The following MCF2L variants were observed in gnomAD, a reference collection of about 807,000 sequenced individuals.
MCF2L encodes MCF.2 cell line derived transforming sequence like.
MCF2L carries 97 observed loss-of-function variants against 153.4 expected under a neutral mutation model. That is an observed-to-expected ratio of 0.63 (90% CI 0.54 to 0.75). The LOEUF is 0.75. Among genes scored for constraint, MCF2L ranks in the 30% least tolerant of loss-of-function variants. MCF2L has a pLI of 0.00. For synonymous variants in MCF2L, 659 were observed against 632.2 expected (o/e 1.04, Z -0.64); for missense variants, 1,347 against 1,495.2 (o/e 0.90, Z 1.64).
chr13:112,991,405 G>T (rs2082894008), intron 1 of MCF2L, among the ~76,000 whole-genome samples: 2 of 151,436 alleles, frequency 1.3e-5, no homozygotes, highest in Admixed American at 1.3e-4. Flanking sequence ...TGTTTTGGGG[G>T]GTGTCTCTGA....
intron 2 of MCF2L, among the ~76,000 whole-genome samples, chr13:113,024,419 G>A (rs2085097212): frequency 6.6e-6 from 1 of 152,214 alleles, no homozygotes; most frequent in Non-Finnish European, 1.5e-5. Context: ...GTCCCATGGT[G>A]GCCAAAATAA....
intron 2 of MCF2L, among the ~76,000 whole-genome samples, chr13:112,920,688 G>A (rs1438484844): frequency 3.4e-5 from 4 of 118,700 alleles, no homozygotes; most frequent in Non-Finnish European, 7.0e-5. Context: ...TGCAGGGAGA[G>A]TTGGGTTGTG....
chr13:112,930,764 C>G (rs1345547363), intron 2 of MCF2L, among the ~76,000 whole-genome samples: 1 of 152,074 alleles, frequency 6.6e-6, no homozygotes, highest in Non-Finnish European at 1.5e-5. Flanking sequence ...TGGTGAAGCC[C>G]CATCTCTACT....
chr13:112,929,865 C>T (rs1034050202), intron 2 of MCF2L, among the ~76,000 whole-genome samples: 56 of 152,328 alleles, frequency 3.7e-4, no homozygotes, highest in African/African-American at 1.1e-3. Context: ...CCGTTTGTGG[C>T]GATCCTTTCT....
rs1418664141 is a variant in MCF2L at position 113,099,741 on chromosome 13, C to A, written c.*2882C>A. 1 of 151,842 alleles carries A rather than the reference C, an allele frequency of 6.6e-6. No individual in the cohort carries two copies. The highest frequency in any genetic ancestry group is 1.5e-5 in the Non-Finnish European group (1 of 67,964). 9.4% of individuals were successfully genotyped at this position (151,842 alleles called of 1,614,324 possible). On this transcript the variant is annotated 3_prime_UTR_variant, in exon 30 of 30. Transcript: ENST00000535094. ...TAAAAAATTTTAAATATGAGAGAACCATTATGAACACCTTTCTGCCAATAT... is the reference window on the plus strand; with the variant it reads ...TAAAAAATTTTAAATATGAGAGAACAATTATGAACACCTTTCTGCCAATAT...
intron 4 of MCF2L, among the ~76,000 whole-genome samples, chr13:113,058,687 G>T (rs2030754531): frequency 1.4e-5 from 2 of 147,796 alleles, no homozygotes; most frequent in Non-Finnish European, 3.0e-5. Context: ...TGGGCGCTGA[G>T]TGGGCACTGA....
chr13:112,909,387 G>A (rs2081207146), intron 2 of MCF2L: 1 of 759,676 alleles, frequency 1.3e-6, no homozygotes. Context: ...GCCAGGCTAA[G>A]GCGTTGATCC....
Position 113,027,086 on chromosome 13 carries a change from G to T in MCF2L, c.278+2328G>T, listed in dbSNP as rs3011512. The T allele has an allele frequency of 0.35, 264,321 of 747,122 alleles. 48,847 individuals are homozygous for T. Among genetic ancestry groups the T allele is most frequent in the East Asian group, 0.58 (23,369 of 40,530 alleles). The allele number at this position is 747,122 out of a possible 1,614,324, so 46.3% of individuals were successfully genotyped here. On this transcript the variant is annotated intron_variant, in intron 3 of 29. Transcript: ENST00000535094. The surrounding 1 kb of genome is among the most constrained non-coding windows in gnomAD (Gnocchi z 4.8). ...TCCTTAAATATGGCATCTGTATCCC[G>T]CACATTACATAAGGTGGCAAAACAC... is the stretch of plus-strand genomic sequence containing the variant.
chr13:112,944,098 ATGAGGGAAGGGTCCCGGGCCG>A (rs2081608829), intron 2 of MCF2L, among the ~76,000 whole-genome samples: 2 of 117,464 alleles, frequency 1.7e-5, no homozygotes, highest in Admixed American at 8.4e-5. Context: ...GTTCCGGACC[ATGAGGGAAGGGTCCCGGGCCG>A]TGAGGGGAGG....
At chr13:112,948,282 A>G (rs2081657631) in intron 2 of MCF2L, among the ~76,000 whole-genome samples, 1 of 152,194 alleles carries the variant, frequency 6.6e-6, no homozygotes, top group African/African-American at 2.4e-5. Flanking sequence ...TCTTCCCTAA[A>G]TACTCTTTGT....
intron 2 of MCF2L, among the ~76,000 whole-genome samples, chr13:113,017,134 A>C (rs2084578938): frequency 6.6e-6 from 1 of 152,166 alleles, no homozygotes; most frequent in Non-Finnish European, 1.5e-5. Flanking sequence ...GTGCGTTGCC[A>C]ATCGCCCCGT....
At chr13:113,005,483 G>A (rs772355025) in intron 1 of MCF2L, among the ~76,000 whole-genome samples, 35 of 151,666 alleles carry the variant, frequency 2.3e-4, no homozygotes, top group African/African-American at 5.3e-4. Context: ...TGGCCGTGGC[G>A]TGTTTGTTGT....
intron 1 of MCF2L, among the ~76,000 whole-genome samples, chr13:113,005,904 C>T (rs1300975108): frequency 2.0e-5 from 3 of 152,202 alleles, no homozygotes; most frequent in Admixed American, 2.0e-4. Context: ...GCTGTAAGCT[C>T]AGGAAGTGAT....
intron 2 of MCF2L, among the ~76,000 whole-genome samples, chr13:112,928,434 C>T (rs1012132812): frequency 5.3e-5 from 8 of 152,216 alleles, no homozygotes; most frequent in African/African-American, 1.9e-4. Flanking sequence ...TCGTTATAAT[C>T]CTTGGAAATG....
chr13:113,042,508 T>G (rs1400867377), intron 3 of MCF2L: 1 of 152,216 alleles, frequency 6.6e-6, no homozygotes, highest in Non-Finnish European at 1.5e-5. Context: ...ACACAAAGAT[T>G]TAAACGTAGA....
chr13:112,894,726 G>C (rs2140477947), intron 1 of MCF2L, among the ~76,000 whole-genome samples: 1 of 152,224 alleles, frequency 6.6e-6, no homozygotes, highest in South Asian at 2.1e-4. Context: ...CCTCCGCATT[G>C]TCACGGGGGC....
chr13:113,092,747 G>A (rs761451353), intron 26 of MCF2L, among the ~76,000 whole-genome samples: 4 of 152,200 alleles, frequency 2.6e-5, no homozygotes, highest in Admixed American at 6.5e-5. Context: ...AGGCACTGCC[G>A]TTCCCATCAT....
chr13:112,999,011 G>A (rs552583032), intron 1 of MCF2L, among the ~76,000 whole-genome samples: 2 of 152,196 alleles, frequency 1.3e-5, no homozygotes, highest in Admixed American at 6.5e-5. Context: ...CGATGAGCCC[G>A]GGATGGTTTC....
intron 2 of MCF2L, among the ~76,000 whole-genome samples, chr13:112,924,676 C>T (rs564340291): frequency 6.6e-6 from 1 of 152,306 alleles, no homozygotes; most frequent in Non-Finnish European, 1.5e-5. Flanking sequence ...TGAATTAATG[C>T]ATACACTTAA....
Sources: gnomAD v4.1 joint callset for allele counts (sites outside exome capture counted in the v4.1 genomes callset) on GRCh38, gnomAD v4.1.1 for gene constraint, Gnocchi (gnomAD v3.1) non-coding constraint, MANE v1.5 for transcripts, NCBI Gene and HGNC (gene_info 2026-07-23, HGNC 2026-07-21) for gene names.